RNLS: variants seen among roughly 807,000 people sequenced by gnomAD.
The protein encoded by RNLS is renalase.
A neutral mutation model predicts 39.8 loss-of-function variants in RNLS; 39 were observed. The observed-to-expected ratio is 0.98, with a 90% confidence interval of 0.76 to 1.28. The LOEUF (loss-of-function observed/expected upper bound fraction) is 1.28. Ranked by LOEUF, RNLS falls within the 50% of genes most tolerant of loss-of-function variation. RNLS has a pLI of 0.00. For missense variants in RNLS, 410 were observed against 413.3 expected (o/e 0.99, Z 0.07); for synonymous variants, 147 against 150.7 (o/e 0.98, Z 0.18).
At chr10:88,420,927 C>A (rs1464235003) in intron 4 of RNLS, among the ~76,000 whole-genome samples, 1 of 152,242 alleles carries the variant, frequency 6.6e-6, no homozygotes, top group Non-Finnish European at 1.5e-5. Flanking sequence ...ATACCTATAA[C>A]CCTAAAATAG....
intron 4 of RNLS, among the ~76,000 whole-genome samples, chr10:88,365,605 C>G (rs1342071916): frequency 6.6e-6 from 1 of 151,270 alleles, no homozygotes; most frequent in African/African-American, 2.4e-5. Context: ...ATATCTTACA[C>G]ATACATAATA....
rs149106338 is a variant in RNLS at position 88,542,353 on chromosome 10, T to C, written c.526+30550A>G. ...GCACAGATTTCCCTTTTTGGTTCTGTTGTACTCTCATTAAGTGCACTTGAA... is the reference window on the plus strand; with the variant it reads ...GCACAGATTTCCCTTTTTGGTTCTGCTGTACTCTCATTAAGTGCACTTGAA... On this transcript the variant is annotated intron_variant, in intron 4 of 6. Coordinates refer to ENST00000331772, the MANE Select transcript of RNLS (RefSeq NM_001031709.3). Among the ~76,000 whole-genome samples, 83 of 152,074 alleles carry C rather than the reference T, an allele frequency of 5.5e-4. No homozygotes were observed. The East Asian group carries it at 0.015, about 28-fold the overall frequency.
intron 4 of RNLS, among the ~76,000 whole-genome samples, chr10:88,446,340 TA>T (rs1356661376): frequency 6.6e-6 from 1 of 152,110 alleles, no homozygotes; most frequent in Non-Finnish European, 1.5e-5. Flanking sequence ...TTTATAGCAC[TA>T]AATGCCCACA....
intron 5 of RNLS, among the ~76,000 whole-genome samples, chr10:88,330,098 AATATATATACACACACT>A (rs1846999832): frequency 1.4e-5 from 2 of 143,984 alleles, no homozygotes; most frequent in Non-Finnish European, 3.0e-5. Flanking sequence ...TATAAATATA[AATATATATACACACACT>A]ATATATATAC....
intron 4 of RNLS, among the ~76,000 whole-genome samples, chr10:88,519,903 T>C (rs1305442863): frequency 6.6e-6 from 1 of 151,930 alleles, no homozygotes; most frequent in Non-Finnish European, 1.5e-5. Context: ...AATTTACCAC[T>C]GTAACTTGCT....
intron 4 of RNLS, among the ~76,000 whole-genome samples, chr10:88,563,939 C>T (rs1220520504): frequency 2.0e-5 from 3 of 152,106 alleles, no homozygotes; most frequent in Admixed American, 6.5e-5. Flanking sequence ...AGTAGCATTT[C>T]CTTAATTTGT....
At chr10:88,322,606 G>A (rs1786740323) in intron 5 of RNLS, among the ~76,000 whole-genome samples, 1 of 152,068 alleles carries the variant, frequency 6.6e-6, no homozygotes, top group African/African-American at 2.4e-5. Context: ...AGTTTCCTGG[G>A]GCCTTCCCAG....
At chr10:88,218,451 A>C in the RNLS span, among the ~76,000 whole-genome samples, 16 of 152,194 alleles carry the variant, frequency 1.1e-4, no homozygotes, top group Non-Finnish European at 2.1e-4. Flanking sequence ...GTTTTGTTCC[A>C]TTCTCCAGGC....
At chr10:88,361,709 T>C (rs1190782339) in intron 5 of RNLS, among the ~76,000 whole-genome samples, 1 of 152,196 alleles carries the variant, frequency 6.6e-6, no homozygotes, top group African/African-American at 2.4e-5. Context: ...CAAGAGACAT[T>C]AGTTGGTGAT....
intron 4 of RNLS, among the ~76,000 whole-genome samples, chr10:88,562,440 G>A (rs112015555): frequency 5.3e-5 from 8 of 152,214 alleles, no homozygotes; most frequent in East Asian, 1.9e-4. Context: ...TAGAAGGCAC[G>A]CACAGTCATC....
intron 5 of RNLS, among the ~76,000 whole-genome samples, chr10:88,326,652 G>A (rs975772401): frequency 1.1e-4 from 16 of 152,210 alleles, no homozygotes; most frequent in African/African-American, 3.6e-4. Context: ...CTGATGATGC[G>A]ATAGAAAACA....
chr10:88,463,746 G>T (rs1012000382), intron 4 of RNLS, among the ~76,000 whole-genome samples: 1 of 151,958 alleles, frequency 6.6e-6, no homozygotes, highest in Non-Finnish European at 1.5e-5. Context: ...CTTCAGGTCA[G>T]TCTAGTATTT....
chr10:88,475,641 A>T, intron 4 of RNLS, among the ~76,000 whole-genome samples: 1 of 152,098 alleles, frequency 6.6e-6, no homozygotes, highest in East Asian at 1.9e-4. Context: ...TTCCTTCCTA[A>T]AAACTGCAGC....
At chr10:88,395,041 T>C (rs1196237336) in intron 4 of RNLS, among the ~76,000 whole-genome samples, 1 of 151,484 alleles carries the variant, frequency 6.6e-6, no homozygotes, top group Non-Finnish European at 1.5e-5. Flanking sequence ...CGGGGACTGT[T>C]GTGGGGTGGG....
chr10:88,443,044 C>T (rs991981400), intron 4 of RNLS, among the ~76,000 whole-genome samples: 1 of 152,200 alleles, frequency 6.6e-6, no homozygotes, highest in African/African-American at 2.4e-5. Flanking sequence ...TTTTCCCTCT[C>T]AACTTCCACA....
intron 6 of RNLS, chr10:88,275,052 C>T (rs1303134385): frequency 1.3e-6 from 2 of 1,596,696 alleles, no homozygotes; most frequent in African/African-American, 1.3e-5. Context: ...AAAGGAATAT[C>T]CTTCAACCCC....
the RNLS span, among the ~76,000 whole-genome samples, chr10:88,172,842 GTTTTTTTTTTTTTTT>G: frequency 7.1e-4 from 31 of 43,782 alleles, 1 homozygote; most frequent in Middle Eastern, 0.02. Context: ...ATTTTGAGTT[GTTTTTTTTTTTTTTT>G]TTTTTTTTTT....
the RNLS span, among the ~76,000 whole-genome samples, chr10:88,209,422 T>C: frequency 6.6e-6 from 1 of 151,958 alleles, no homozygotes; most frequent in African/African-American, 2.4e-5. Context: ...ATGGCAGAGA[T>C]TGGAGTGATG....
chr10:88,244,903 T>C, the RNLS span, among the ~76,000 whole-genome samples: 3 of 152,014 alleles, frequency 2.0e-5, no homozygotes, highest in African/African-American at 7.3e-5. Context: ...TAATGCTGGG[T>C]AGCAAGGATG....
Sources: gnomAD v4.1 joint callset for allele counts (sites outside exome capture counted in the v4.1 genomes callset) on GRCh38, gnomAD v4.1.1 for gene constraint, MANE v1.5 for transcripts, NCBI Gene and HGNC (gene_info 2026-07-23, HGNC 2026-07-21) for gene names.